The following PCDH1 variants were observed in gnomAD, a reference collection of about 807,000 sequenced individuals.
The protein encoded by PCDH1 is protocadherin-1.
Under a neutral mutation model 74.6 loss-of-function variants are expected in PCDH1, and 23 were observed. The observed-to-expected ratio is 0.31, with a 90% CI of 0.22 to 0.44. The LOEUF (loss-of-function observed/expected upper bound fraction) is 0.44. PCDH1 is among the 20% of genes least tolerant of loss of function. PCDH1 has a pLI of 1.00. For synonymous variants in PCDH1, 647 were observed against 686.1 expected (o/e 0.94, Z 0.89); for missense variants, 1,214 against 1,641.4 (o/e 0.74, Z 4.50).
intron 3 of PCDH1, among the ~76,000 whole-genome samples, chr5:141,861,306 T>C (rs1752555436): frequency 6.6e-6 from 1 of 152,148 alleles, no homozygotes; most frequent in Non-Finnish European, 1.5e-5. Context: ...TGCTGAGTAC[T>C]CAGTGGAAAC....
chr5:141,854,083 G>A lies in PCDH1; in HGVS notation c.3673C>T (p.Pro1225Ser). The change falls in exon 5 of 5, where the codon CCG becomes TCG. Residue 1225 changes from proline (P) to serine (S), a missense_variant. Pro to Ser is a moderately conservative substitution (Grantham distance 74, BLOSUM62 -1). This residue lies in a region of PCDH1 where 194 missense variants were observed against 198.3 expected (regional missense o/e 0.98). Coordinates refer to ENST00000287008, the MANE Select transcript of PCDH1 (RefSeq NM_032420.5). ...CGCTTGGCCGTCTGGGCAGATGCCG[G>A]TGTGGCTGCGGGTGGGAAGTCCGAG... Reference protein sequence around the residue: ...QTSDFPPAATPASAQTAKREI... With the variant: ...QTSDFPPAATSASAQTAKREI... The A allele has an allele frequency of 6.5e-7, 1 of 1,542,294 alleles. No homozygotes were observed. Among genetic ancestry groups the A allele is most frequent in the Middle Eastern group, 2.0e-4 (1 of 5,128 alleles).
At position 141,864,572 on chromosome 5, in the gene PCDH1, G is replaced by A. The variant is rs369187210; in HGVS notation, c.1759C>T (p.Arg587Trp). The change falls in exon 3 of 5, where the codon CGG becomes TGG. Residue 587 changes from arginine to tryptophan, a missense_variant. Around this residue, in one of 4 missense-constraint regions of PCDH1, gnomAD observed 836 missense variants for 1,182.2 expected, o/e 0.71. Coordinates refer to ENST00000287008, the MANE Select transcript of PCDH1 (RefSeq NM_032420.5). This position sits in a 1 kb window ranked among gnomAD's most constrained non-coding sequence, Gnocchi z 5.9. ...GTGCCCTGGAGGCTAGGACTGCCCC[G>A]GTCAGCTGCCACCACCTTCAACTCA... ...SYELKVVAAD[R>W]GSPSLQGTAT... is the part of the protein sequence containing the mutation. The A allele has an allele frequency of 5.0e-5, 80 of 1,613,826 alleles. No individual in the cohort carries two copies. The highest frequency in any genetic ancestry group is 1.8e-4 in the South Asian group (16 of 91,064).
chr5:141,854,532 G>C (rs1384881018), intron 4 of PCDH1, 96 bp from the exon 5 acceptor site: 1 of 1,318,946 alleles, frequency 7.6e-7, no homozygotes, highest in Non-Finnish European at 1.0e-6. Flanking sequence ...CCCACCTCAG[G>C]ACAGGAGTAT....
In PCDH1 at chr5:141,864,666, G is replaced by A. The variant is rs1752735725; in HGVS notation, c.1665C>T (p.Phe555=). 1.2e-6 allele frequency: 2 copies of A among 1,613,886 alleles called. No homozygotes were observed. Among genetic ancestry groups the A allele is most frequent in the Admixed American group, 1.7e-5 (1 of 60,010 alleles). The change falls in exon 3 of 5, where the codon TTC becomes TTT. Residue 555 remains phenylalanine (F), a synonymous_variant. Coordinates refer to ENST00000287008, the MANE Select transcript of PCDH1 (RefSeq NM_032420.5). The surrounding 1 kb of genome is among the most constrained non-coding windows in gnomAD (Gnocchi z 5.9). The part of the protein sequence containing the change: ...LEPEPAAKGL[F]TISPETGEIQ... ...TCTCTCCAGTCTCGGGTGAGATGGTGAAGAGGCCCTTAGCAGCCGGCTCAG... is the reference window on the plus strand; with the variant it reads ...TCTCTCCAGTCTCGGGTGAGATGGTAAAGAGGCCCTTAGCAGCCGGCTCAG...
Position 141,869,777 on chromosome 5 carries a change from GCTTCACCCAACACCTC to G in PCDH1, c.41-362_41-347del. 2.0e-6 allele frequency: 2 copies of G among 985,414 alleles called. No homozygotes were observed. Among genetic ancestry groups the G allele is most frequent in the Non-Finnish European group, 2.4e-6 (2 of 829,934 alleles). 61.0% of individuals were successfully genotyped at this position (985,414 alleles called of 1,614,324 possible). A position where few individuals can be genotyped will look rare whatever the true frequency, so the allele number is the denominator to read the frequency against. On this transcript the variant is annotated intron_variant, in intron 1 of 4. Coordinates refer to ENST00000287008, the MANE Select transcript of PCDH1 (RefSeq NM_032420.5). The surrounding 1 kb of genome is among the most constrained non-coding windows in gnomAD (Gnocchi z 4.9). ...TTTTCCTCCTTGCTCTCTGCTCTGT[GCTTCACCCAACACCTC>G]CTTCTCACGAGCATCCTGCCTTAGT...
chr5:141,869,852 G>A lies in PCDH1; in HGVS notation c.41-421C>T. 1 of 967,294 alleles carries A rather than the reference G, an allele frequency of 1.0e-6. No homozygotes were observed. Among genetic ancestry groups the A allele is most frequent in the Non-Finnish European group, 1.2e-6 (1 of 813,370 alleles). 59.9% of individuals were successfully genotyped at this position (967,294 alleles called of 1,614,324 possible). On this transcript the variant is annotated intron_variant, in intron 1 of 4. Transcript: ENST00000287008. This position sits in a 1 kb window ranked among gnomAD's most constrained non-coding sequence, Gnocchi z 4.9. ...GTAATTACCTTGATACTGAGATAGG[G>A]AGAGAGAGCCAGTGGAAGGGTGAGA...
At position 141,868,800 on chromosome 5, in the gene PCDH1, G is replaced by A. The variant is rs1208701292; in HGVS notation, c.672C>T (p.Asp224=). Residue 224 remains aspartate (D), a synonymous_variant, in exon 2 of 5, where the codon GAC becomes GAT. Coordinates refer to ENST00000287008, the MANE Select transcript of PCDH1 (RefSeq NM_032420.5). The surrounding 1 kb of genome is among the most constrained non-coding windows in gnomAD (Gnocchi z 4.8). ...QELFGLQVAE[D]QEEKQPQLIV... is the part of the protein sequence containing the mutation. ...TGAGCTGTGGTTGCTTCTCCTCCTG[G>A]TCCTCTGCCACCTGCAGCCCAAATA... 6.2e-7 allele frequency: 1 copy of A among 1,614,164 alleles called. No individual in the cohort carries two copies. The highest frequency in any genetic ancestry group is 1.7e-5 in the Admixed American group (1 of 60,016).
chr5:141,869,418 C>T lies in PCDH1; in HGVS notation c.54G>A (p.Leu18=). The part of the protein sequence containing the change: ...RRCPEAALLI[L]GPPRMEHLRH... ...TCAGGTGCTCCATCCTGGGAGGCCC[C>T]AGAATCAGGAGGGCTGCAAGGGGAA... Residue 18 remains leucine, a synonymous_variant, in exon 2 of 5, where the codon CTG becomes CTA. Coordinates refer to ENST00000287008, the MANE Select transcript of PCDH1 (RefSeq NM_032420.5). This position sits in a 1 kb window ranked among gnomAD's most constrained non-coding sequence, Gnocchi z 4.9. 6.3e-7 allele frequency: 1 copy of T among 1,597,768 alleles called. No homozygotes were observed.
rs1752217620 is a variant in PCDH1 at position 141,854,005 on chromosome 5, C to T, written c.*37G>A. 8.9e-6 allele frequency: 13 copies of T among 1,464,294 alleles called. No individual in the cohort carries two copies. The highest frequency in any genetic ancestry group is 4.4e-5 in the South Asian group (3 of 68,858). 90.7% of individuals were successfully genotyped at this position (1,464,294 alleles called of 1,614,324 possible). ...AATGGGCCATTTGGGAGCTGGCCGGCGGCTGGGGGAGGGGGGCCGGCCGGC... is the reference window on the plus strand; with the variant it reads ...AATGGGCCATTTGGGAGCTGGCCGGTGGCTGGGGGAGGGGGGCCGGCCGGC... On this transcript the variant is annotated 3_prime_UTR_variant, in exon 5 of 5. Transcript: ENST00000287008.
chr5:141,856,124 A>G lies in PCDH1; in HGVS notation c.3319+1128T>C. 5 of 1,141,812 alleles carry G rather than the reference A, an allele frequency of 4.4e-6. No homozygotes were observed. In the African/African-American group the frequency reaches 4.6e-5, roughly 10 times the overall value. 70.7% of individuals were successfully genotyped at this position (1,141,812 alleles called of 1,614,324 possible). ...CTACAGCTCAGAGCAGAGTTGGGGG[A>G]CGCAACATGGCTCAGAGCAGAGCAT... On this transcript the variant is annotated intron_variant, in intron 4 of 4. Coordinates refer to ENST00000287008, the MANE Select transcript of PCDH1 (RefSeq NM_032420.5).
intron 1 of PCDH1, among the ~76,000 whole-genome samples, chr5:141,876,234 T>G (rs1753229209): frequency 6.6e-6 from 1 of 152,126 alleles, no homozygotes; most frequent in Non-Finnish European, 1.5e-5. Flanking sequence ...AAGGCAAGGC[T>G]AGGGCGCGGC....
rs1752979296 is a variant in PCDH1 at position 141,868,857 on chromosome 5, A to G, written c.615T>C (p.Tyr205=). The G allele has an allele frequency of 6.2e-7, 1 of 1,614,182 alleles. No individual in the cohort carries two copies. The highest frequency in any genetic ancestry group is 8.5e-7 in the Non-Finnish European group (1 of 1,179,994). Residue 205 remains tyrosine, a synonymous_variant, in exon 2 of 5, where the codon TAT becomes TAC. Coordinates refer to ENST00000287008, the MANE Select transcript of PCDH1 (RefSeq NM_032420.5). The surrounding 1 kb of genome is among the most constrained non-coding windows in gnomAD (Gnocchi z 4.8). Reference sequence around the variant, plus strand: ...GGGCCTCAGGCCCAGCCTGCAGCTCATAGGATGCCACACCGTTGGGACCAG... The same window carrying G: ...GGGCCTCAGGCCCAGCCTGCAGCTCGTAGGATGCCACACCGTTGGGACCAG... ...RDAGPNGVAS[Y]ELQAGPEAQE...
intron 1 of PCDH1, among the ~76,000 whole-genome samples, chr5:141,874,489 C>T (rs940620081): frequency 4.6e-5 from 7 of 152,158 alleles, no homozygotes; most frequent in Non-Finnish European, 1.0e-4. Context: ...GGGGAACAGG[C>T]GCAGGGACCC....
At chr5:141,870,021 T>C (rs980177616) in intron 1 of PCDH1, among the ~76,000 whole-genome samples, 3 of 152,146 alleles carry the variant, frequency 2.0e-5, no homozygotes, top group South Asian at 2.1e-4. Flanking sequence ...GAGGGGATGA[T>C]GTCTCATTTC....
At chr5:141,872,415 C>G (rs956438530) in intron 1 of PCDH1, among the ~76,000 whole-genome samples, 2 of 152,198 alleles carry the variant, frequency 1.3e-5, no homozygotes, top group Non-Finnish European at 2.9e-5. Flanking sequence ...CTCTCCAGAT[C>G]GAGGATACTT....
Position 141,857,277 on chromosome 5 carries a change from T to C in PCDH1, c.3294A>G (p.Ile1098Met). Residue 1098 changes from isoleucine (I) to methionine (M), a missense_variant, in exon 4 of 5, where the codon ATA (isoleucine) becomes ATG (methionine). Around this residue, in one of 4 missense-constraint regions of PCDH1, gnomAD observed 194 missense variants for 198.3 expected, o/e 0.98. Transcript: ENST00000287008. ...HYERTTPDGS[I>M]GEMEHPENDL... is the part of the protein sequence containing the mutation. ...CATTCTCGGGGTGCTCCATCTCTCCTATGCTGCCATCAGGGGTGGTGCGCT... is the reference window on the plus strand; with the variant it reads ...CATTCTCGGGGTGCTCCATCTCTCCCATGCTGCCATCAGGGGTGGTGCGCT... 1 of 1,603,074 alleles carries C rather than the reference T, an allele frequency of 6.2e-7. No homozygotes were observed. The highest frequency in any genetic ancestry group is 8.5e-7 in the Non-Finnish European group (1 of 1,175,120).
intron 1 of PCDH1, among the ~76,000 whole-genome samples, chr5:141,876,323 C>T (rs2126834866): frequency 6.6e-6 from 1 of 152,302 alleles, no homozygotes; most frequent in African/African-American, 2.4e-5. Context: ...ATCCCTCCTC[C>T]CCGGCATCTC....
intron 1 of PCDH1, among the ~76,000 whole-genome samples, chr5:141,873,696 G>A (rs1417582074): frequency 6.7e-6 from 1 of 149,314 alleles, no homozygotes; most frequent in Non-Finnish European, 1.5e-5. Flanking sequence ...CTGACCTCGT[G>A]ATCCTCCTGC....
chr5:141,857,524 A>G lies in PCDH1; in HGVS notation c.3100-53T>C, dbSNP rs1022089119. On this transcript the variant is annotated intron_variant, in intron 3 of 4. Coordinates refer to ENST00000287008, the MANE Select transcript of PCDH1 (RefSeq NM_032420.5). ...ACCAGCCAGCTTGCCCACAGGGCCC[A>G]CCACCATACCAGGCCCTAGTACAAG... is the stretch of plus-strand genomic sequence containing the variant. 2.7e-6 allele frequency: 4 copies of G among 1,471,474 alleles called. No individual in the cohort carries two copies. In the Admixed American group the frequency reaches 5.7e-5, roughly 21 times the overall value. The allele number at this position is 1,471,474 out of a possible 1,614,324, so 91.2% of individuals were successfully genotyped here.
Sources: allele counts gnomAD v4.1 joint callset (sites outside exome capture counted in the v4.1 genomes callset), GRCh38; gene constraint gnomAD v4.1.1; regional missense constraint gnomAD v4.1.1; non-coding constraint Gnocchi (gnomAD v3.1); transcripts MANE v1.5; gene names NCBI Gene and HGNC (gene_info 2026-07-23, HGNC 2026-07-21).